The following KCNIP4 variants were observed in gnomAD, a reference collection of about 807,000 sequenced individuals.
KCNIP4 encodes potassium voltage-gated channel interacting protein 4.
A neutral mutation model predicts 34.0 loss-of-function variants in KCNIP4; 12 were observed. That is an observed-to-expected ratio of 0.35 (90% CI 0.23 to 0.57). The LOEUF (loss-of-function observed/expected upper bound fraction) is 0.57. KCNIP4 is among the 20% of genes least tolerant of loss of function. The probability of loss-of-function intolerance (pLI) is 0.83; values close to 1 mark genes in which losing one functional copy is unlikely to be tolerated. For missense variants in KCNIP4, 238 were observed against 311.7 expected (o/e 0.76, Z 1.78); for synonymous variants, 124 against 102.2 (o/e 1.21, Z -1.29).
chr4:21,271,167 A>T (rs564011008), intron 1 of KCNIP4, among the ~76,000 whole-genome samples: 19 of 152,258 alleles, frequency 1.2e-4, no homozygotes, highest in Middle Eastern at 3.4e-3. Flanking sequence ...CCAGAGTTTT[A>T]ATCTAGTCAT....
intron 1 of KCNIP4, among the ~76,000 whole-genome samples, chr4:21,058,211 A>G (rs1278819806): frequency 1.3e-5 from 2 of 152,180 alleles, no homozygotes; most frequent in African/African-American, 4.8e-5. Context: ...TTAGTGGCCA[A>G]TGAGGAAATA....
At chr4:21,688,723 T>C (rs1286068896) in intron 1 of KCNIP4, among the ~76,000 whole-genome samples, 1 of 152,036 alleles carries the variant, frequency 6.6e-6, no homozygotes, top group African/African-American at 2.4e-5. Flanking sequence ...CTGTTGGGCT[T>C]GGCCAGTGGT....
intron 1 of KCNIP4, among the ~76,000 whole-genome samples, chr4:21,626,143 T>A (rs540335437): frequency 6.6e-6 from 1 of 152,190 alleles, no homozygotes; most frequent in South Asian, 2.1e-4. Flanking sequence ...TACTTGGCAA[T>A]CCTAGCAGGG....
At chr4:20,803,724 A>AGG (rs1714693595) in intron 3 of KCNIP4, among the ~76,000 whole-genome samples, 2 of 67,110 alleles carry the variant, frequency 3.0e-5, no homozygotes, top group African/African-American at 4.0e-5. Flanking sequence ...AGAGAGAGAG[A>AGG]GAGAGGAAGG....
chr4:21,321,171 G>T (rs192257474), intron 1 of KCNIP4, among the ~76,000 whole-genome samples: 53 of 152,204 alleles, frequency 3.5e-4, no homozygotes, highest in African/African-American at 1.3e-3. Flanking sequence ...CCATACTATG[G>T]TTATTTGTTA....
At chr4:20,755,718 T>G (rs544347890) in intron 4 of KCNIP4, among the ~76,000 whole-genome samples, 1 of 152,218 alleles carries the variant, frequency 6.6e-6, no homozygotes, top group East Asian at 1.9e-4. Context: ...TCAGGGCAAG[T>G]CTCACTGAGA....
intron 1 of KCNIP4, among the ~76,000 whole-genome samples, chr4:21,888,172 T>G (rs1371619795): frequency 6.6e-6 from 1 of 152,124 alleles, no homozygotes; most frequent in Non-Finnish European, 1.5e-5. Context: ...AGAGCTGGGA[T>G]TCAATCTTTG....
At chr4:21,339,634 AT>A (rs1483846626) in intron 1 of KCNIP4, among the ~76,000 whole-genome samples, 1 of 152,142 alleles carries the variant, frequency 6.6e-6, no homozygotes, top group Non-Finnish European at 1.5e-5. Context: ...GTGGGGAAAA[AT>A]TGCAATTGGA....
intron 1 of KCNIP4, among the ~76,000 whole-genome samples, chr4:21,116,447 G>A (rs1014279519): frequency 6.6e-5 from 10 of 152,138 alleles, no homozygotes; most frequent in African/African-American, 2.4e-4. Context: ...TACGGCTTTA[G>A]AGTGACTACA....
intron 1 of KCNIP4, among the ~76,000 whole-genome samples, chr4:21,900,896 T>C (rs561802648): frequency 1.3e-5 from 2 of 152,198 alleles, no homozygotes; most frequent in Non-Finnish European, 2.9e-5. Context: ...CTTACGAATG[T>C]ACCATAAATA....
At chr4:20,749,541 A>G (rs2149337430) in intron 5 of KCNIP4, 121 bp downstream of exon 5, 3 of 583,262 alleles carry the variant, frequency 5.1e-6, no homozygotes, top group African/African-American at 3.7e-5. Flanking sequence ...CATGAGAGAA[A>G]GGGAGTGTCC....
At chr4:21,837,639 T>C (rs1323497542) in intron 1 of KCNIP4, among the ~76,000 whole-genome samples, 2 of 151,418 alleles carry the variant, frequency 1.3e-5, no homozygotes, top group African/African-American at 2.4e-5. Context: ...AGGGTTTCCA[T>C]AGGCTGTTTC....
chr4:21,112,455 C>T (rs189198297), intron 1 of KCNIP4, among the ~76,000 whole-genome samples: 14 of 152,240 alleles, frequency 9.2e-5, no homozygotes, highest in East Asian at 3.9e-4. Flanking sequence ...TGATGTCTTC[C>T]GAGTAAAGCT....
chr4:21,301,782 A>G (rs1711740138), intron 1 of KCNIP4, among the ~76,000 whole-genome samples: 1 of 152,162 alleles, frequency 6.6e-6, no homozygotes, highest in South Asian at 2.1e-4. Context: ...AGCTATATCA[A>G]TCTATTCATT....
chr4:20,953,665 C>T (rs1733017898), intron 1 of KCNIP4, among the ~76,000 whole-genome samples: 1 of 152,100 alleles, frequency 6.6e-6, no homozygotes, highest in Admixed American at 6.5e-5. Context: ...CAGAGAGAGA[C>T]TCCGTCTCAA....
chr4:21,718,098 A>G (rs1350856427), intron 1 of KCNIP4, among the ~76,000 whole-genome samples: 1 of 152,204 alleles, frequency 6.6e-6, no homozygotes, highest in Admixed American at 6.5e-5. Context: ...TTCTGAGAAC[A>G]CCACATTATC....
At chr4:21,394,669 T>A (rs909636760) in intron 1 of KCNIP4, among the ~76,000 whole-genome samples, 3 of 152,162 alleles carry the variant, frequency 2.0e-5, no homozygotes, top group African/African-American at 7.2e-5. Context: ...GGAACACTGA[T>A]AGAAAGACAG....
chr4:21,825,241 A>G (rs1412522461), intron 1 of KCNIP4, among the ~76,000 whole-genome samples: 2 of 152,146 alleles, frequency 1.3e-5, no homozygotes, highest in Non-Finnish European at 2.9e-5. Context: ...AAAAATATGT[A>G]TAAAATGAAC....
intron 1 of KCNIP4, among the ~76,000 whole-genome samples, chr4:21,047,443 C>T (rs1355311672): frequency 6.6e-6 from 1 of 152,040 alleles, no homozygotes; most frequent in African/African-American, 2.4e-5. Flanking sequence ...GAGTTTTGTA[C>T]ACATATAATT....
Sources: allele counts gnomAD v4.1 joint callset (sites outside exome capture counted in the v4.1 genomes callset), GRCh38; gene constraint gnomAD v4.1.1; transcripts MANE v1.5; gene names NCBI Gene and HGNC (gene_info 2026-07-23, HGNC 2026-07-21).